The following DLG2 variants were observed in gnomAD, a reference collection of about 807,000 sequenced individuals.
DLG2 encodes discs large MAGUK scaffold protein 2, also known as disks large homolog 2.
A neutral mutation model predicts 132.5 loss-of-function variants in DLG2; 45 were observed. The ratio of observed to expected loss-of-function variants is 0.34; its 90% confidence interval spans 0.27 to 0.44. The LOEUF (loss-of-function observed/expected upper bound fraction) is 0.44. DLG2 is among the 20% of genes least tolerant of loss of function. DLG2 has a pLI of 1.00. For missense variants in DLG2, 1,045 were observed against 1,196.9 expected (o/e 0.87, Z 1.87); for synonymous variants, 424 against 419.6 (o/e 1.01, Z -0.13).
chr11:84,010,278 C>T (rs951739985), intron 11 of DLG2, among the ~76,000 whole-genome samples: 2 of 147,390 alleles, frequency 1.4e-5, no homozygotes, highest in Admixed American at 6.9e-5. Flanking sequence ...AATGAATGAT[C>T]CATGCATTTT....
chr11:84,714,825 A>G (rs2061024316), intron 6 of DLG2, among the ~76,000 whole-genome samples: 1 of 151,896 alleles, frequency 6.6e-6, no homozygotes, highest in African/African-American at 2.4e-5. Flanking sequence ...AAGATACTGT[A>G]TATATGTTTA....
At chr11:85,009,426 A>G (rs1430255057) in intron 6 of DLG2, among the ~76,000 whole-genome samples, 4 of 152,110 alleles carry the variant, frequency 2.6e-5, no homozygotes, top group Non-Finnish European at 5.9e-5. Flanking sequence ...GAAACAAGCC[A>G]TAAATAAGTT....
intron 6 of DLG2, among the ~76,000 whole-genome samples, chr11:84,553,022 A>T (rs1384653787): frequency 6.6e-6 from 1 of 152,004 alleles, no homozygotes; most frequent in Non-Finnish European, 1.5e-5. Context: ...TCCTGGAGCC[A>T]TTTTATCTTT....
At chr11:84,476,690 C>T (rs1602854665) in intron 7 of DLG2, among the ~76,000 whole-genome samples, 1 of 152,254 alleles carries the variant, frequency 6.6e-6, no homozygotes, top group South Asian at 2.1e-4. Flanking sequence ...CTTTGGAATT[C>T]AACCTTTATG....
chr11:83,911,369 G>A (rs2076008447), intron 15 of DLG2, among the ~76,000 whole-genome samples: 2 of 151,952 alleles, frequency 1.3e-5, no homozygotes, highest in East Asian at 3.9e-4. Flanking sequence ...TTCCTTCAGG[G>A]TACAGTTTCA....
At chr11:85,008,198 T>C (rs1320384466) in intron 6 of DLG2, among the ~76,000 whole-genome samples, 3 of 152,172 alleles carry the variant, frequency 2.0e-5, no homozygotes, top group Non-Finnish European at 4.4e-5. Flanking sequence ...AAGTTTTAAA[T>C]TTTAGGGTTA....
intron 17 of DLG2, among the ~76,000 whole-genome samples, chr11:83,823,543 A>C (rs1300513933): frequency 6.6e-6 from 1 of 152,166 alleles, no homozygotes; most frequent in Non-Finnish European, 1.5e-5. Context: ...ATGTATTCTG[A>C]ATCTTCAGGA....
chr11:84,975,481 T>A (rs2054764702), intron 6 of DLG2, among the ~76,000 whole-genome samples: 1 of 152,184 alleles, frequency 6.6e-6, no homozygotes, highest in South Asian at 2.1e-4. Flanking sequence ...TCAAGACACA[T>A]TTTGTGATCA....
intron 6 of DLG2, among the ~76,000 whole-genome samples, chr11:84,592,542 G>A (rs981550279): frequency 2.0e-5 from 3 of 152,026 alleles, no homozygotes; most frequent in Non-Finnish European, 4.4e-5. Context: ...ACTACAGAAT[G>A]GGAGAAATTT....
chr11:84,648,705 C>A (rs865947518), intron 6 of DLG2, among the ~76,000 whole-genome samples: 9 of 151,952 alleles, frequency 5.9e-5, no homozygotes, highest in African/African-American at 1.9e-4. Context: ...CCTCCCTCAA[C>A]CCCCGCCCTG....
At chr11:85,058,381 T>C (rs1268198731) in intron 6 of DLG2, among the ~76,000 whole-genome samples, 1 of 151,452 alleles carries the variant, frequency 6.6e-6, no homozygotes, top group African/African-American at 2.4e-5. Flanking sequence ...TTGAAAGAAA[T>C]TAAAGAAGAC....
intron 6 of DLG2, among the ~76,000 whole-genome samples, chr11:85,014,415 T>G (rs1293623772): frequency 6.6e-6 from 1 of 152,162 alleles, no homozygotes; most frequent in Non-Finnish European, 1.5e-5. Context: ...TAAGGATGAC[T>G]TGCTTTCATC....
intron 3 of DLG2, among the ~76,000 whole-genome samples, chr11:85,581,689 C>T (rs1046239176): frequency 6.6e-6 from 1 of 152,170 alleles, no homozygotes; most frequent in African/African-American, 2.4e-5. Flanking sequence ...AGGACTATGA[C>T]TGATATTCTA....
rs149501447 is a variant in DLG2 at position 83,973,738 on chromosome 11, C to T, written c.1056+6768G>A. 4.3e-3 allele frequency among the ~76,000 whole-genome samples: 655 copies of T among 152,058 alleles called. 6 individuals are homozygous for T. The highest frequency in any genetic ancestry group is 0.015 in the African/African-American group (632 of 41,474). On this transcript the variant is annotated intron_variant, in intron 12 of 27. Transcript: ENST00000376104. ...AAATAAAATGAAGCATGATCCCTAC[C>T]CCAGAAATCCAGATTTGATTATTCA...
intron 9 of DLG2, among the ~76,000 whole-genome samples, chr11:84,143,807 G>A (rs571960978): frequency 5.1e-4 from 78 of 152,216 alleles, no homozygotes; most frequent in Non-Finnish European, 7.1e-4. Flanking sequence ...AGGAAGCAGG[G>A]AGAAGCAGGG....
chr11:83,751,353 T>G, intron 18 of DLG2, among the ~76,000 whole-genome samples: 1 of 151,960 alleles, frequency 6.6e-6, no homozygotes, highest in East Asian at 1.9e-4. Flanking sequence ...GAGAGAAATA[T>G]ATAGGAGCTT....
rs569864546 is a variant in DLG2, at chr11:84,466,440, G to T, written c.519+68130C>A. ...ATATAGAAAGAGCCTCCAGAAGTCT[G>T]CAAGAAAACCGCTAAAAGCCCAAGA... On this transcript the variant is annotated intron_variant, in intron 7 of 27. Transcript: ENST00000376104. 2.0e-5 allele frequency among the ~76,000 whole-genome samples: 3 copies of T among 151,354 alleles called. 1 individual carries two copies. The highest frequency in any genetic ancestry group is 7.2e-5 in the African/African-American group (3 of 41,424).
At chr11:84,560,013 G>A (rs763304292) in intron 6 of DLG2, among the ~76,000 whole-genome samples, 3 of 152,070 alleles carry the variant, frequency 2.0e-5, no homozygotes, top group Admixed American at 6.6e-5. Flanking sequence ...GCTCAAAAAT[G>A]TATATAGGTA....
At chr11:85,039,556 TTA>T (rs2061678694) in intron 6 of DLG2, among the ~76,000 whole-genome samples, 1 of 151,942 alleles carries the variant, frequency 6.6e-6, no homozygotes, top group African/African-American at 2.4e-5. Context: ...TATCTCATAG[TTA>T]TATATGTTAA....
Sources: allele counts gnomAD v4.1 joint callset (sites outside exome capture counted in the v4.1 genomes callset), GRCh38; gene constraint gnomAD v4.1.1; transcripts MANE v1.5; gene names NCBI Gene and HGNC (gene_info 2026-07-23, HGNC 2026-07-21).